The following CILK1 variants were observed in gnomAD, a reference collection of about 807,000 sequenced individuals.
The protein encoded by CILK1 is serine/threonine-protein kinase ICK.
In CILK1, 47 loss-of-function variants were observed where a neutral mutation model predicts 79.2. The observed-to-expected ratio is 0.59, with a 90% CI of 0.47 to 0.76. The LOEUF (loss-of-function observed/expected upper bound fraction) is 0.76, where lower values mean the gene tolerates loss of function less well. CILK1 is among the 30% of genes least tolerant of loss of function. CILK1 has a pLI of 0.00. For missense variants in CILK1, 660 were observed against 769.5 expected, an observed-to-expected ratio of 0.86 and a Z score of 1.68; for synonymous variants, 266 against 275.9, an observed-to-expected ratio of 0.96 and a Z score of 0.36.
intron 1 of CILK1, among the ~76,000 whole-genome samples, chr6:53,056,978 C>T (rs905853723): frequency 6.6e-6 from 1 of 152,172 alleles, no homozygotes; most frequent in Non-Finnish European, 1.5e-5. Context: ...CAGCTAAGAT[C>T]ACATGAAGGC....
chr6:53,027,029 A>T (rs1202770982), intron 5 of CILK1, among the ~76,000 whole-genome samples: 2 of 152,218 alleles, frequency 1.3e-5, no homozygotes, highest in Non-Finnish European at 2.9e-5. Flanking sequence ...GAATATATGG[A>T]AATAACCAGA....
intron 11 of CILK1, among the ~76,000 whole-genome samples, chr6:53,010,179 C>G (rs144220189): frequency 6.9e-4 from 105 of 152,342 alleles, no homozygotes; most frequent in African/African-American, 2.3e-3. Context: ...CTGGATCACT[C>G]TATACCTGTC....
intron 1 of CILK1, among the ~76,000 whole-genome samples, chr6:53,055,123 T>C (rs1767759445): frequency 6.6e-6 from 1 of 152,230 alleles, no homozygotes; most frequent in Non-Finnish European, 1.5e-5. Context: ...GCATTAATTA[T>C]CTTACATTGA....
chr6:53,050,683 G>A (rs1450516708), intron 1 of CILK1, among the ~76,000 whole-genome samples: 1 of 151,638 alleles, frequency 6.6e-6, no homozygotes, highest in Non-Finnish European at 1.5e-5. Flanking sequence ...AATTAGCTGG[G>A]CTTGGTGGTG....
chr6:53,039,551 T>C (rs1766568097), intron 2 of CILK1, among the ~76,000 whole-genome samples: 1 of 152,150 alleles, frequency 6.6e-6, no homozygotes, highest in African/African-American at 2.4e-5. Flanking sequence ...ATAACAGGGT[T>C]GGCAACTGGC....
chr6:53,041,409 C>CTGCAGAGAAAAATGAGAG lies in CILK1; in HGVS notation c.-172-19_-172-2dup. The CTGCAGAGAAAAATGAGAG allele has an allele frequency of 1.6e-6, 1 of 613,112 alleles. No homozygotes were observed. The highest frequency in any genetic ancestry group is 1.8e-5 in the South Asian group (1 of 56,730). The allele number at this position is 613,112 out of a possible 1,614,324, so 38.0% of individuals were successfully genotyped here. On this transcript the variant is annotated splice_acceptor_variant, in intron 1 of 13. Transcript: ENST00000676107. LOFTEE classifies it low-confidence loss of function (5UTR_SPLICE). Reference sequence around the variant, plus strand: ...ATATTTCCAAAAATCAGTCTTCTGCCTGCAGAGAAAAATGAGAGACAAGGA... The same window carrying CTGCAGAGAAAAATGAGAG: ...ATATTTCCAAAAATCAGTCTTCTGCCTGCAGAGAAAAATGAGAGTGCAGAGAAAAATGAGAGACAAGGA...
At chr6:53,039,464 C>T (rs1449012389) in intron 2 of CILK1, among the ~76,000 whole-genome samples, 1 of 152,124 alleles carries the variant, frequency 6.6e-6, no homozygotes, top group Non-Finnish European at 1.5e-5. Flanking sequence ...GGAGGTGATT[C>T]CAGGAAGCCA....
chr6:53,043,525 G>A (rs775382048), intron 1 of CILK1, among the ~76,000 whole-genome samples: 6 of 152,014 alleles, frequency 3.9e-5, no homozygotes, highest in Non-Finnish European at 7.4e-5. Flanking sequence ...TAGAACCACT[G>A]TAAGGCCTCT....
intron 8 of CILK1, among the ~76,000 whole-genome samples, chr6:53,015,087 T>G (rs915563370): frequency 6.6e-6 from 1 of 152,188 alleles, no homozygotes; most frequent in Admixed American, 6.5e-5. Context: ...ACTCCTTAAT[T>G]ATTCCTCCAA....
At chr6:53,014,935 C>A (rs531487505) in intron 8 of CILK1, among the ~76,000 whole-genome samples, 1 of 152,210 alleles carries the variant, frequency 6.6e-6, no homozygotes, top group African/African-American at 2.4e-5. Context: ...CCAAAAGCTT[C>A]TTTTCTGCCC....
At chr6:53,039,380 T>C (rs775736817) in intron 2 of CILK1, among the ~76,000 whole-genome samples, 3 of 152,128 alleles carry the variant, frequency 2.0e-5, no homozygotes, top group African/African-American at 7.2e-5. Flanking sequence ...CAGGAAGACA[T>C]TGGAAGCTGT....
In CILK1 at chr6:53,019,442, T is replaced by C. The variant is rs377559689; in HGVS notation, c.359-83A>G. On this transcript the variant is annotated intron_variant, in intron 5 of 13. Coordinates refer to ENST00000676107, the MANE Select transcript of CILK1 (RefSeq NM_014920.5). ...TGCAATTGTATTGCTCTCTGCAAAA[T>C]AGTTATAATTTAAAAAGTAGTCTGG... 3.4e-5 allele frequency: 50 copies of C among 1,474,118 alleles called. No homozygotes were observed. In the East Asian group the frequency reaches 4.8e-4, roughly 14 times the overall value. The allele number at this position is 1,474,118 out of a possible 1,614,324, so 91.3% of individuals were successfully genotyped here.
At chr6:53,014,899 T>C (rs1764803594) in intron 8 of CILK1, among the ~76,000 whole-genome samples, 3 of 152,242 alleles carry the variant, frequency 2.0e-5, no homozygotes, top group Admixed American at 6.5e-5. Context: ...ATTTCTTACA[T>C]GCATCTGTTA....
chr6:53,011,352 C>A (rs144355819), intron 11 of CILK1, among the ~76,000 whole-genome samples: 1 of 152,118 alleles, frequency 6.6e-6, no homozygotes, highest in African/African-American at 2.4e-5. Context: ...AATTCCAGCA[C>A]TTTGGGAGGC....
Position 53,013,900 on chromosome 6 carries a change from T to G in CILK1, c.914A>C (p.Lys305Thr), listed in dbSNP as rs765078446. 5.0e-6 allele frequency: 8 copies of G among 1,613,950 alleles called. No individual in the cohort carries two copies. In the Admixed American group the frequency reaches 1.3e-4, roughly 27 times the overall value. ...TGGGCCTGCCTTTTCCAGGATGCCTTTCTGTGGTTTTTCTGAATCCTGAAG... is the reference window on the plus strand; with the variant it reads ...TGGGCCTGCCTTTTCCAGGATGCCTGTCTGTGGTTTTTCTGAATCCTGAAG... ...QNLQDSEKPQ[K>T]GILEKAGPPP... Residue 305 changes from lysine (K) to threonine (T), a missense_variant, in exon 9 of 14, where the codon AAA becomes ACA. Coordinates refer to ENST00000676107, the MANE Select transcript of CILK1 (RefSeq NM_014920.5).
At chr6:53,019,190 A>G (rs1765071156) in intron 6 of CILK1, 37 bp downstream of exon 6, 2 of 1,567,918 alleles carry the variant, frequency 1.3e-6, no homozygotes, top group Non-Finnish European at 1.8e-6. Context: ...TTTTTAAAGA[A>G]GTGCAATTAA....
At chr6:53,061,372 A>G (rs1394697974) in intron 1 of CILK1, among the ~76,000 whole-genome samples, 1 of 152,210 alleles carries the variant, frequency 6.6e-6, no homozygotes, top group South Asian at 2.1e-4. Context: ...CCTCCTTAAG[A>G]CTAAAAGATA....
chr6:53,006,507 C>T (rs1467776787), intron 12 of CILK1, 70 bp from the exon 13 acceptor site: 18 of 1,544,270 alleles, frequency 1.2e-5, no homozygotes, highest in Non-Finnish European at 1.6e-5. Flanking sequence ...GGTTAAATGA[C>T]AGCACTGCAG....
intron 13 of CILK1, among the ~76,000 whole-genome samples, chr6:53,006,022 C>T (rs923137474): frequency 6.6e-6 from 1 of 152,200 alleles, no homozygotes; most frequent in African/African-American, 2.4e-5. Context: ...TACTCAACAA[C>T]TCCTTTGCAG....
Sources: gnomAD v4.1 joint callset for allele counts (sites outside exome capture counted in the v4.1 genomes callset) on GRCh38, gnomAD v4.1.1 for gene constraint, MANE v1.5 for transcripts, NCBI Gene and HGNC (gene_info 2026-07-23, HGNC 2026-07-21) for gene names.